CLSPN: variants seen among roughly 807,000 people sequenced by gnomAD.
The protein encoded by CLSPN is claspin homolog.
In CLSPN, 85 loss-of-function variants were observed where a neutral mutation model predicts 156.3. That is an observed-to-expected ratio of 0.54 (90% CI 0.46 to 0.65). CLSPN has a LOEUF of 0.65. Ranked by LOEUF, CLSPN falls within the 30% of genes least tolerant of loss-of-function variation. The pLI, the probability that CLSPN is intolerant of heterozygous loss-of-function variation, is 0.00. For synonymous variants in CLSPN, 534 were observed against 542.4 expected (o/e 0.98, Z 0.22); for missense variants, 1,407 against 1,554.9 (o/e 0.90, Z 1.60).
At chr1:35,745,033 G>A (rs1353809738) in intron 16 of CLSPN, among the ~76,000 whole-genome samples, 1 of 152,042 alleles carries the variant, frequency 6.6e-6, no homozygotes, top group Non-Finnish European at 1.5e-5. Flanking sequence ...GGCTGGTCTC[G>A]AACTCCTGAC....
chr1:35,732,663 C>G lies in CLSPN; in HGVS notation c.*3833G>C, dbSNP rs1412553358. The stretch of plus-strand genomic sequence containing the variant: ...ACCCTATCTCCCACACTCATGGGCT[C>G]TCATCCCTCCAAATATGTAATTTCC... On this transcript the variant is annotated 3_prime_UTR_variant, in exon 25 of 25. Coordinates refer to ENST00000318121, the MANE Select transcript of CLSPN (RefSeq NM_022111.4). 1 of 985,400 alleles carries G rather than the reference C, an allele frequency of 1.0e-6. No individual in the cohort carries two copies. Among genetic ancestry groups the G allele is most frequent in the Non-Finnish European group, 1.2e-6 (1 of 829,922 alleles). 61.0% of individuals were successfully genotyped at this position (985,400 alleles called of 1,614,324 possible).
chr1:35,744,351 G>C (rs1333839403), intron 16 of CLSPN, among the ~76,000 whole-genome samples: 5 of 152,168 alleles, frequency 3.3e-5, no homozygotes, highest in Admixed American at 3.3e-4. Context: ...CTGATGCCCA[G>C]AGTGCAGTGG....
In CLSPN at chr1:35,738,066, T is replaced by C; in HGVS notation, c.3590A>G (p.Glu1197Gly). The C allele has an allele frequency of 6.9e-7, 1 of 1,456,404 alleles. No individual in the cohort carries two copies. The highest frequency in any genetic ancestry group is 9.2e-7 in the Non-Finnish European group (1 of 1,092,280). The allele number at this position is 1,456,404 out of a possible 1,614,324, so 90.2% of individuals were successfully genotyped here. Residue 1197 changes from glutamate (E) to glycine (G), a missense_variant, in exon 22 of 25, where the codon GAA becomes GGA. Transcript: ENST00000318121. ...AQQGKITAEE[E>G]EEIGEDSQFM... is the part of the protein sequence containing the mutation. ...CTGACTGTCCTCCCCAATTTCTTCT[T>C]CTTCTTCAGCTGTAATTTTCCCCTG...
At position 35,735,209 on chromosome 1, in the gene CLSPN, T is replaced by C. The variant is rs1260066938; in HGVS notation, c.*1287A>G. ...CCCACAGACTGTGGTGGACAAACAC[T>C]GGGTGTAACACTTTATCTTCATCCC... On this transcript the variant is annotated 3_prime_UTR_variant, in exon 25 of 25. Transcript: ENST00000318121. 5 of 985,434 alleles carry C rather than the reference T, an allele frequency of 5.1e-6. No individual in the cohort carries two copies. The highest frequency in any genetic ancestry group is 4.7e-5 in the South Asian group (1 of 21,290). The allele number at this position is 985,434 out of a possible 1,614,324, so 61.0% of individuals were successfully genotyped here. A position where few individuals can be genotyped will look rare whatever the true frequency, so the allele number is the denominator to read the frequency against.
intron 14 of CLSPN, 111 bp from the exon 15 acceptor site, chr1:35,747,103 A>G: frequency 1.4e-6 from 1 of 733,738 alleles, no homozygotes. Context: ...CGGGCGGATC[A>G]CGAGGTCAGG....
downstream of CLSPN, among the ~76,000 whole-genome samples, chr1:35,727,744 T>C (rs886316102): frequency 5.9e-5 from 9 of 152,252 alleles, no homozygotes; most frequent in African/African-American, 2.2e-4. Context: ...CTTTACAATT[T>C]TTTTTTATTT....
chr1:35,751,099 TA>T, intron 10 of CLSPN, 150 bp downstream of exon 10: 1 of 905,374 alleles, frequency 1.1e-6, no homozygotes, highest in Non-Finnish European at 1.7e-6. Context: ...CTGAAGTTCC[TA>T]AGATTTAGGG....
chr1:35,734,365 A>C lies in CLSPN; in HGVS notation c.*2131T>G, dbSNP rs1641392376. On this transcript the variant is annotated 3_prime_UTR_variant, in exon 25 of 25. Coordinates refer to ENST00000318121, the MANE Select transcript of CLSPN (RefSeq NM_022111.4). ...TACAAACATAAGTATTGTCAAAGTC[A>C]ACATCTTGAGTATTAGAAAACTGTA... The C allele has an allele frequency of 1.0e-6, 1 of 985,270 alleles. No individual in the cohort carries two copies. Among genetic ancestry groups the C allele is most frequent in the Admixed American group, 6.2e-5 (1 of 16,256 alleles). 61.0% of individuals were successfully genotyped at this position (985,270 alleles called of 1,614,324 possible). A position where few individuals can be genotyped will look rare whatever the true frequency, so the allele number is the denominator to read the frequency against.
At chr1:35,743,694 G>A (rs1252425640) in intron 16 of CLSPN, 164 bp from the exon 17 acceptor site, 9 of 599,484 alleles carry the variant, frequency 1.5e-5, no homozygotes, top group Non-Finnish European at 2.4e-5. Context: ...CACCATCTCA[G>A]CTCACTGTAA....
intron 18 of CLSPN, among the ~76,000 whole-genome samples, chr1:35,741,250 AAACT>A (rs1460825349): frequency 9.2e-5 from 14 of 152,214 alleles, no homozygotes; most frequent in Middle Eastern, 3.2e-3. Flanking sequence ...TAAGGGGAAC[AAACT>A]AACTTTCATT....
intron 15 of CLSPN, 147 bp from the exon 16 acceptor site, chr1:35,745,709 ATT>A: frequency 1.6e-6 from 1 of 622,572 alleles, no homozygotes; most frequent in Non-Finnish European, 2.9e-6. Flanking sequence ...ACAAATCCTT[ATT>A]TAGTGCTTAC....
At chr1:35,745,884 C>T (rs1402548597) in intron 15 of CLSPN, among the ~76,000 whole-genome samples, 1 of 151,580 alleles carries the variant, frequency 6.6e-6, no homozygotes, top group Non-Finnish European at 1.5e-5. Flanking sequence ...AGACACTGTT[C>T]TAAACTTTGT....
In CLSPN at chr1:35,739,460, A is replaced by G; in HGVS notation, c.3213T>C (p.Tyr1071=). The change falls in exon 19 of 25, where the codon TAT becomes TAC. Residue 1071 remains tyrosine (Y), a synonymous_variant. Coordinates refer to ENST00000318121, the MANE Select transcript of CLSPN (RefSeq NM_022111.4). ...CATATTCATCAATTTCTTCCCCATC[A>G]TACTCATCTTCGCTTCCCACATCAC... The part of the protein sequence containing the change: ...SGSDVGSEDE[Y]DGEEIDEYEE... 6.2e-7 allele frequency: 1 copy of G among 1,613,950 alleles called. No homozygotes were observed. The highest frequency in any genetic ancestry group is 8.5e-7 in the Non-Finnish European group (1 of 1,179,936).
chr1:35,757,794 C>T (rs1005903646), intron 8 of CLSPN, among the ~76,000 whole-genome samples: 1 of 152,198 alleles, frequency 6.6e-6, no homozygotes. Context: ...ACTCTGCCAC[C>T]TGAACCTCCA....
chr1:35,760,578 A>G lies in CLSPN; in HGVS notation c.1343T>C (p.Leu448Pro). 3 of 1,614,224 alleles carry G rather than the reference A, an allele frequency of 1.9e-6. No individual in the cohort carries two copies. Among genetic ancestry groups the G allele is most frequent in the South Asian group, 2.2e-5 (2 of 91,082 alleles). Residue 448 changes from leucine (L) to proline (P), a missense_variant, in exon 8 of 25, where the codon CTT (leucine) becomes CCT (proline). Physicochemically the swap from Leu to Pro is moderately conservative, Grantham distance 98. Transcript: ENST00000318121. ...NHSEECQVGG[L>P]VAFEPHALEG... ...CAGGGCATGAGGTTCAAATGCTACA[A>G]GCCCTCCAACCTGACATTCCTCACT...
chr1:35,747,020 T>G, intron 14 of CLSPN, 28 bp from the exon 15 acceptor site: 1 of 1,581,000 alleles, frequency 6.3e-7, no homozygotes, highest in Non-Finnish European at 8.7e-7. Context: ...CAACGAATAG[T>G]GTAAAAAATT....
downstream of CLSPN, among the ~76,000 whole-genome samples, chr1:35,729,800 T>C (rs1641273499): frequency 6.6e-6 from 1 of 152,242 alleles, no homozygotes; most frequent in African/African-American, 2.4e-5. Flanking sequence ...TAGCCTGCAT[T>C]AGTGCAGCCT....
intron 24 of CLSPN, among the ~76,000 whole-genome samples, chr1:35,722,316 A>G (rs1211136615): frequency 2.2e-5 from 3 of 137,142 alleles, no homozygotes; most frequent in African/African-American, 5.6e-5. Flanking sequence ...GTGCAGTGGC[A>G]TAGTCTTGGC....
At chr1:35,752,151 A>G (rs1642108956) in intron 9 of CLSPN, among the ~76,000 whole-genome samples, 1 of 152,110 alleles carries the variant, frequency 6.6e-6, no homozygotes, top group African/African-American at 2.4e-5. Flanking sequence ...CTAATATACC[A>G]CCATATATCT....
Sources: gnomAD v4.1 joint callset for allele counts (sites outside exome capture counted in the v4.1 genomes callset) on GRCh38, gnomAD v4.1.1 for gene constraint, MANE v1.5 for transcripts, NCBI Gene and HGNC (gene_info 2026-07-23, HGNC 2026-07-21) for gene names.